CABLES1: variants seen among roughly 807,000 people sequenced by gnomAD.
The protein encoded by CABLES1 is Cdk5 and Abl enzyme substrate 1.
In CABLES1, 36 loss-of-function variants were observed where a neutral mutation model predicts 57.8. That is an observed-to-expected ratio of 0.62 (90% CI 0.48 to 0.82). The LOEUF (loss-of-function observed/expected upper bound fraction) is 0.82. Among genes scored for constraint, CABLES1 ranks in the 40% least tolerant of loss-of-function variants. The pLI, the probability that CABLES1 is intolerant of heterozygous loss-of-function variation, is 0.00. For synonymous variants in CABLES1, 374 were observed against 363.0 expected, an observed-to-expected ratio of 1.03 and a Z score of -0.35; for missense variants, 767 against 836.6, an observed-to-expected ratio of 0.92 and a Z score of 1.03.
In CABLES1 at chr18:23,218,610, TG is replaced by T. The variant is rs1179726460; in HGVS notation, c.1088+4558del. On this transcript the variant is annotated intron_variant, in intron 4 of 9. Transcript: ENST00000256925. ...CTGCCTCCCGCATCCTCACTTGCCC[TG>T]GCTCCCGCATCCTCACTTGCCCTGC... is the stretch of plus-strand genomic sequence containing the variant. Among the ~76,000 whole-genome samples the T allele has an allele frequency of 2.3e-3, 250 of 107,286 alleles. 23 individuals are homozygous for T. The highest frequency in any genetic ancestry group is 7.0e-3 in the African/African-American group (182 of 26,152). 70.4% of individuals were successfully genotyped at this position (107,286 alleles called of 152,430 possible). A position where few individuals can be genotyped will look rare whatever the true frequency, so the allele number is the denominator to read the frequency against.
chr18:23,209,886 C>T (rs1424009372), intron 3 of CABLES1, among the ~76,000 whole-genome samples: 6 of 151,932 alleles, frequency 3.9e-5, no homozygotes, highest in African/African-American at 9.7e-5. Flanking sequence ...TGCGGGGGGG[C>T]GGTCCTTGTG....
At chr18:23,159,318 C>T (rs2046986836) in intron 1 of CABLES1, among the ~76,000 whole-genome samples, 1 of 152,170 alleles carries the variant, frequency 6.6e-6, no homozygotes, top group African/African-American at 2.4e-5. Context: ...AGCGGTTGTT[C>T]TGTTACTTTC....
At chr18:23,248,597 G>T (rs2047962741) in intron 7 of CABLES1, among the ~76,000 whole-genome samples, 1 of 150,706 alleles carries the variant, frequency 6.6e-6, no homozygotes, top group Non-Finnish European at 1.5e-5. Flanking sequence ...GGAGGCCGAG[G>T]CGGGTGGATC....
intron 4 of CABLES1, among the ~76,000 whole-genome samples, chr18:23,215,989 C>T (rs1205831244): frequency 6.6e-6 from 1 of 152,090 alleles, no homozygotes; most frequent in Non-Finnish European, 1.5e-5. Flanking sequence ...CTCCTGACCT[C>T]GTGATCTGCC....
intron 7 of CABLES1, among the ~76,000 whole-genome samples, chr18:23,245,845 C>G (rs1014829705): frequency 6.6e-6 from 1 of 152,252 alleles, no homozygotes; most frequent in African/African-American, 2.4e-5. Flanking sequence ...AATGAGCACC[C>G]TTGCAAAAAA....
intron 1 of CABLES1, among the ~76,000 whole-genome samples, chr18:23,138,615 C>G (rs1018043558): frequency 6.6e-6 from 1 of 152,190 alleles, no homozygotes; most frequent in Admixed American, 6.5e-5. Context: ...GTTGCCAACA[C>G]CACGCCGCTT....
chr18:23,149,482 A>G (rs2046913196), intron 1 of CABLES1, among the ~76,000 whole-genome samples: 1 of 152,008 alleles, frequency 6.6e-6, no homozygotes, highest in Non-Finnish European at 1.5e-5. Context: ...GGGTTTCACC[A>G]TGTTGCCTAG....
At chr18:23,218,378 G>A (rs1486224683) in intron 4 of CABLES1, among the ~76,000 whole-genome samples, 1 of 74,818 alleles carries the variant, frequency 1.3e-5, no homozygotes, top group Non-Finnish European at 2.5e-5. Flanking sequence ...CCTGGCTCCC[G>A]CATCCTCACT....
chr18:23,183,440 G>A (rs959142080), intron 1 of CABLES1, among the ~76,000 whole-genome samples: 6 of 152,222 alleles, frequency 3.9e-5, no homozygotes, highest in East Asian at 1.9e-4. Context: ...ATGTGCAGTC[G>A]TGTTGTCATG....
intron 1 of CABLES1, among the ~76,000 whole-genome samples, chr18:23,187,578 G>T (rs1170463475): frequency 6.6e-6 from 1 of 152,176 alleles, no homozygotes; most frequent in Non-Finnish European, 1.5e-5. Flanking sequence ...GTAAAGACAG[G>T]GTTTCACCAT....
chr18:23,152,587 C>T (rs1228677512), intron 1 of CABLES1, among the ~76,000 whole-genome samples: 2 of 148,812 alleles, frequency 1.3e-5, no homozygotes, highest in East Asian at 4.0e-4. Flanking sequence ...TGGGTTCAGG[C>T]GATTCTTATG....
rs2046819241 is a variant in CABLES1, at chr18:23,136,217, G to A, written c.455G>A (p.Gly152Asp). The A allele has an allele frequency of 2.4e-6, 3 of 1,259,804 alleles. No homozygotes were observed. Among genetic ancestry groups the A allele is most frequent in the South Asian group, 6.2e-5 (2 of 32,304 alleles). The allele number at this position is 1,259,804 out of a possible 1,614,324, so 78.0% of individuals were successfully genotyped here. A position where few individuals can be genotyped will look rare whatever the true frequency, so the allele number is the denominator to read the frequency against. The change falls in exon 1 of 10, where the codon GGC becomes GAC. Residue 152 changes from glycine (G) to aspartate (D), a missense_variant. This residue lies in a region of CABLES1 where 529 missense variants were observed against 622.8 expected (regional missense o/e 0.85). Coordinates refer to ENST00000256925, the MANE Select transcript of CABLES1 (RefSeq NM_001100619.3). ...QPSSLPPLIP[G>D]GHATVSGPGV... ...TCGTCGCTGCCGCCCTTGATTCCTG[G>A]CGGCCATGCGACCGTGTCCGGCCCC...
intron 1 of CABLES1, among the ~76,000 whole-genome samples, chr18:23,150,215 T>G (rs796905397): frequency 7.1e-6 from 1 of 140,852 alleles, no homozygotes; most frequent in East Asian, 2.1e-4. Flanking sequence ...TTGTTTTTTT[T>G]TTTTTTTTTT....
intron 7 of CABLES1, among the ~76,000 whole-genome samples, chr18:23,244,367 C>T (rs2047821707): frequency 1.3e-5 from 2 of 152,222 alleles, no homozygotes; most frequent in Non-Finnish European, 1.5e-5. Flanking sequence ...CCTTTCATTT[C>T]AGTGGGAGGG....
At chr18:23,237,998 A>T (rs2047646225) in intron 7 of CABLES1, among the ~76,000 whole-genome samples, 1 of 151,644 alleles carries the variant, frequency 6.6e-6, no homozygotes, top group Non-Finnish European at 1.5e-5. Flanking sequence ...ATCAGGTGGG[A>T]GACATCCACC....
rs567630989 is a variant in CABLES1 at position 23,160,319 on chromosome 18, G to A, written c.845+23712G>A. 1.1e-3 allele frequency among the ~76,000 whole-genome samples: 173 copies of A among 152,236 alleles called. 2 individuals carry two copies. Among genetic ancestry groups the A allele is most frequent in the African/African-American group, 3.9e-3 (161 of 41,564 alleles). ...GCTGGGATTACAGGCGTGAGCCACCGCGCCTAGCCGTGTTGGTTTTCAAAT... is the reference window on the plus strand; with the variant it reads ...GCTGGGATTACAGGCGTGAGCCACCACGCCTAGCCGTGTTGGTTTTCAAAT... On this transcript the variant is annotated intron_variant, in intron 1 of 9. Transcript: ENST00000256925.
intron 2 of CABLES1, chr18:23,189,213 G>A (rs1404031205): frequency 2.8e-5 from 9 of 318,266 alleles, no homozygotes; most frequent in East Asian, 1.6e-4. Flanking sequence ...GCATTGTCCC[G>A]GCCTATCCCC....
Position 23,193,194 on chromosome 18 carries a change from C to CTTTTTTT in CABLES1, c.918-1246_918-1240dup, listed in dbSNP as rs763239686. Among the ~76,000 whole-genome samples, 135 of 142,306 alleles carry CTTTTTTT rather than the reference C, an allele frequency of 9.5e-4. 3 individuals are homozygous for CTTTTTTT. Among genetic ancestry groups the CTTTTTTT allele is most frequent in the African/African-American group, 3.0e-3 (116 of 38,262 alleles). 93.4% of individuals were successfully genotyped at this position (142,306 alleles called of 152,430 possible). On this transcript the variant is annotated intron_variant, in intron 2 of 9. Coordinates refer to ENST00000256925, the MANE Select transcript of CABLES1 (RefSeq NM_001100619.3). ...TCTGCAAGCCTTTAAAAGAATCTTT[C>CTTTTTTT]TTTTTTTTTTTTTTCCAGACTGTGT...
intron 7 of CABLES1, among the ~76,000 whole-genome samples, chr18:23,244,492 C>A (rs1244724698): frequency 6.6e-6 from 1 of 152,246 alleles, no homozygotes; most frequent in African/African-American, 2.4e-5. Flanking sequence ...GATTTACTGT[C>A]CTCTAAGGGA....
Sources: gnomAD v4.1 joint callset for allele counts (sites outside exome capture counted in the v4.1 genomes callset) on GRCh38, gnomAD v4.1.1 for gene constraint, gnomAD v4.1.1 regional missense constraint, MANE v1.5 for transcripts, NCBI Gene and HGNC (gene_info 2026-07-23, HGNC 2026-07-21) for gene names.